Variants in FRMD3 observed in about 807,000 individuals in gnomAD.
The protein encoded by FRMD3 is FERM domain-containing protein 3.
In FRMD3, 33 loss-of-function variants were observed where a neutral mutation model predicts 70.2. The ratio of observed to expected loss-of-function variants is 0.47; its 90% CI spans 0.36 to 0.63. FRMD3 has a LOEUF of 0.63. Ranked by LOEUF, FRMD3 falls within the 20% of genes least tolerant of loss-of-function variation. The probability of loss-of-function intolerance (pLI) is 0.00; values close to 1 mark genes in which losing one functional copy is unlikely to be tolerated. For synonymous variants in FRMD3, 279 were observed against 255.9 expected, an observed-to-expected ratio of 1.09 and a Z score of -0.86; for missense variants, 632 against 711.4, an observed-to-expected ratio of 0.89 and a Z score of 1.27.
At chr9:83,576,314 CAA>C in the FRMD3 span, among the ~76,000 whole-genome samples, 1 of 145,154 alleles carries the variant, frequency 6.9e-6, no homozygotes, top group Admixed American at 6.9e-5. Context: ...TCAATAGTTG[CAA>C]AAAAAAAAAT....
chr9:83,282,539 A>ATT (rs34420024), intron 13 of FRMD3, among the ~76,000 whole-genome samples: 1 of 148,190 alleles, frequency 6.7e-6, no homozygotes, highest in Non-Finnish European at 1.5e-5. Context: ...ACAGTCTTGG[A>ATT]TTTTTTTTTT....
At chr9:83,506,547 A>G (rs1288627271) in intron 1 of FRMD3, among the ~76,000 whole-genome samples, 2 of 152,182 alleles carry the variant, frequency 1.3e-5, no homozygotes, top group African/African-American at 4.8e-5. Context: ...TCGACTTAAA[A>G]TGGCTCCCCT....
At chr9:83,352,479 C>G (rs1359599613) in intron 3 of FRMD3, among the ~76,000 whole-genome samples, 1 of 152,178 alleles carries the variant, frequency 6.6e-6, no homozygotes, top group East Asian at 1.9e-4. Flanking sequence ...AGGCCCAGAA[C>G]TGCTCCCCAG....
chr9:83,509,795 A>G (rs1281901590), intron 1 of FRMD3, among the ~76,000 whole-genome samples: 1 of 151,842 alleles, frequency 6.6e-6, no homozygotes, highest in Admixed American at 6.6e-5. Flanking sequence ...GCGCACACAC[A>G]CACACACACA....
intron 1 of FRMD3, among the ~76,000 whole-genome samples, chr9:83,446,107 A>T (rs1159389965): frequency 6.6e-6 from 1 of 152,188 alleles, no homozygotes; most frequent in Admixed American, 6.5e-5. Flanking sequence ...AAAAACACAG[A>T]TCCCTTCCAT....
chr9:83,316,642 C>T (rs1835589619), intron 6 of FRMD3, among the ~76,000 whole-genome samples: 1 of 152,096 alleles, frequency 6.6e-6, no homozygotes, highest in Non-Finnish European at 1.5e-5. Flanking sequence ...GTATTCATCC[C>T]AATCAGTACT....
At chr9:83,562,892 C>G in the FRMD3 span, among the ~76,000 whole-genome samples, 4 of 131,098 alleles carry the variant, frequency 3.1e-5, no homozygotes, top group East Asian at 8.8e-4. Context: ...ATGGCCAATG[C>G]CCCCCCCCCA....
chr9:83,447,530 T>C (rs772935943), intron 1 of FRMD3, among the ~76,000 whole-genome samples: 1 of 152,100 alleles, frequency 6.6e-6, no homozygotes, highest in South Asian at 2.1e-4. Flanking sequence ...CCCGAGGCAC[T>C]GTGATGGCTC....
intron 1 of FRMD3, among the ~76,000 whole-genome samples, chr9:83,415,829 G>A (rs1587831688): frequency 6.6e-6 from 1 of 151,846 alleles, no homozygotes; most frequent in South Asian, 2.1e-4. Flanking sequence ...AAGGAAGACA[G>A]GAAAAGGTAG....
At chr9:83,268,293 A>G (rs1267559118) in intron 13 of FRMD3, among the ~76,000 whole-genome samples, 4 of 152,266 alleles carry the variant, frequency 2.6e-5, no homozygotes, top group African/African-American at 9.6e-5. Context: ...GTTGTTATGC[A>G]TCAATATAAA....
chr9:83,246,006 C>A lies in FRMD3; in HGVS notation c.*1912G>T, dbSNP rs1349445634. 1.0e-6 allele frequency: 1 copy of A among 984,872 alleles called. No individual in the cohort carries two copies. The highest frequency in any genetic ancestry group is 1.8e-5 in the African/African-American group (1 of 57,134). The allele number at this position is 984,872 out of a possible 1,614,324, so 61.0% of individuals were successfully genotyped here. ...ACTGAAAGCATATAGGAAAGGAAACCCCTCAAACTTAATGGCAAATATATA... is the reference window on the plus strand; with the variant it reads ...ACTGAAAGCATATAGGAAAGGAAACACCTCAAACTTAATGGCAAATATATA... On this transcript the variant is annotated 3_prime_UTR_variant, in exon 14 of 14. Coordinates refer to ENST00000304195, the MANE Select transcript of FRMD3 (RefSeq NM_174938.6).
rs1175480479 is a variant in FRMD3, at chr9:83,479,624, AAAGGAAGG to A, written c.147+58453_147+58460del. ...CCTGAGGGATAGCAAGACCCTGAAG[AAAGGAAGG>A]AAGGAAGGAAGGAAGGAAGGAAGGA... On this transcript the variant is annotated intron_variant, in intron 1 of 13. Transcript: ENST00000304195. Among the ~76,000 whole-genome samples the A allele has an allele frequency of 6.0e-4, 37 of 61,468 alleles. 1 individual carries two copies. The highest frequency in any genetic ancestry group is 7.6e-3 in the Middle Eastern group (1 of 132). 40.3% of individuals were successfully genotyped at this position (61,468 alleles called of 152,430 possible).
chr9:83,431,327 T>C (rs1469979004), intron 1 of FRMD3, among the ~76,000 whole-genome samples: 2 of 152,266 alleles, frequency 1.3e-5, no homozygotes, highest in East Asian at 3.8e-4. Flanking sequence ...ATTATTCCCA[T>C]GTGGATAATT....
chr9:83,522,372 C>T (rs1251339839), intron 1 of FRMD3, among the ~76,000 whole-genome samples: 1 of 152,006 alleles, frequency 6.6e-6, no homozygotes, highest in Non-Finnish European at 1.5e-5. Flanking sequence ...AGAACAGGGG[C>T]GTAGAGAAGC....
chr9:83,301,727 G>A (rs192710948), intron 10 of FRMD3, among the ~76,000 whole-genome samples: 7 of 152,344 alleles, frequency 4.6e-5, no homozygotes, highest in Admixed American at 2.0e-4. Flanking sequence ...CACTATCATC[G>A]GCTTGAACCC....
chr9:83,554,242 G>C, the FRMD3 span, among the ~76,000 whole-genome samples: 1 of 152,154 alleles, frequency 6.6e-6, no homozygotes, highest in South Asian at 2.1e-4. Context: ...CCTCACAGTT[G>C]CAACTGTGTT....
intron 3 of FRMD3, among the ~76,000 whole-genome samples, chr9:83,351,931 A>T (rs1824177178): frequency 6.6e-6 from 1 of 152,174 alleles, no homozygotes; most frequent in Non-Finnish European, 1.5e-5. Flanking sequence ...GAGATTTTTA[A>T]TTTATTCTAA....
Position 83,247,034 on chromosome 9 carries a change from TCTCA to T in FRMD3, c.*880_*883del, listed in dbSNP as rs1465399690. On this transcript the variant is annotated 3_prime_UTR_variant, in exon 14 of 14. Coordinates refer to ENST00000304195, the MANE Select transcript of FRMD3 (RefSeq NM_174938.6). ...ATCTGTTACCTTTTTTCCTTTAAAC[TCTCA>T]CTTTCTTTTTAAAACATCTGCTTCT... The T allele has an allele frequency of 9.1e-6, 9 of 985,264 alleles. No homozygotes were observed. Among genetic ancestry groups the T allele is most frequent in the East Asian group, 1.1e-4 (1 of 8,822 alleles). 61.0% of individuals were successfully genotyped at this position (985,264 alleles called of 1,614,324 possible).
intron 1 of FRMD3, among the ~76,000 whole-genome samples, chr9:83,458,076 T>C (rs1827873679): frequency 6.6e-6 from 1 of 151,032 alleles, no homozygotes; most frequent in East Asian, 2.0e-4. Context: ...GTGAATCCTG[T>C]CAAGTTGCTT....
Sources: gnomAD v4.1 joint callset for allele counts (sites outside exome capture counted in the v4.1 genomes callset) on GRCh38, gnomAD v4.1.1 for gene constraint, MANE v1.5 for transcripts, NCBI Gene and HGNC (gene_info 2026-07-23, HGNC 2026-07-21) for gene names.